The following GCFC2 variants were observed in gnomAD, a reference collection of about 807,000 sequenced individuals.
GCFC2 encodes the protein intron Large complex component GCFC2.
In GCFC2, 102 loss-of-function variants were observed where a neutral mutation model predicts 99.4. The observed-to-expected ratio is 1.03, with a 90% CI of 0.87 to 1.21. GCFC2 has a LOEUF of 1.21. Among genes scored for constraint, GCFC2 ranks in the 50% most tolerant of loss-of-function variants. The probability of loss-of-function intolerance (pLI) is 0.00; values close to 1 mark genes in which losing one functional copy is unlikely to be tolerated. For synonymous variants in GCFC2, 338 were observed against 316.8 expected (o/e 1.07, Z -0.71); for missense variants, 973 against 920.9 (o/e 1.06, Z -0.73).
At position 75,680,088 on chromosome 2, in the gene GCFC2, A is replaced by G. The variant is rs559812766; in HGVS notation, c.1812+105T>C. On this transcript the variant is annotated intron_variant, in intron 12 of 16. Coordinates refer to ENST00000321027, the MANE Select transcript of GCFC2 (RefSeq NM_003203.5). ...AAAGTAAATATGTTTTCCCCCAAAC[A>G]GTTTTCTGATAATCACTTCTGCATC... The G allele has an allele frequency of 9.6e-6, 7 of 727,280 alleles. No homozygotes were observed. In the East Asian group the frequency reaches 1.1e-4, roughly 11 times the overall value. 45.1% of individuals were successfully genotyped at this position (727,280 alleles called of 1,614,324 possible). A position where few individuals can be genotyped will look rare whatever the true frequency, so the allele number is the denominator to read the frequency against.
intron 16 of GCFC2, among the ~76,000 whole-genome samples, chr2:75,665,102 G>A (rs1441424835): frequency 6.6e-6 from 1 of 152,020 alleles, no homozygotes; most frequent in African/African-American, 2.4e-5. Flanking sequence ...TGGAAGCAAT[G>A]GTGGGAGTAT....
At chr2:75,678,290 C>G (rs935247416) in intron 12 of GCFC2, among the ~76,000 whole-genome samples, 10 of 152,138 alleles carry the variant, frequency 6.6e-5, no homozygotes, top group African/African-American at 2.4e-4. Flanking sequence ...CTTTTAACTA[C>G]TAATCTTGGT....
chr2:75,696,066 TA>T (rs1217515223), intron 5 of GCFC2, 133 bp downstream of exon 5: 2 of 491,018 alleles, frequency 4.1e-6, no homozygotes, highest in African/African-American at 3.9e-5. Context: ...GTTAGTATGA[TA>T]ACACAGGAGA....
upstream of GCFC2, among the ~76,000 whole-genome samples, chr2:75,711,770 C>T (rs1681195956): frequency 1.3e-5 from 2 of 152,250 alleles, no homozygotes; most frequent in Admixed American, 6.5e-5. Context: ...GGCCCACCGG[C>T]GCTGTGCTCG....
chr2:75,691,947 T>C (rs372396743), intron 7 of GCFC2, 30 bp downstream of exon 7: 13 of 1,259,248 alleles, frequency 1.0e-5, no homozygotes, highest in African/African-American at 1.5e-5. Flanking sequence ...TAATGAATAA[T>C]AAATTGTATG....
intron 5 of GCFC2, among the ~76,000 whole-genome samples, chr2:75,695,861 G>C (rs1369525752): frequency 2.6e-5 from 4 of 152,180 alleles, no homozygotes; most frequent in Non-Finnish European, 5.9e-5. Flanking sequence ...ATCCTGGGCA[G>C]GATGAAGCAG....
intron 11 of GCFC2, among the ~76,000 whole-genome samples, chr2:75,683,771 C>CAAAAAAAAAAAAAA (rs749580096): frequency 1.3e-4 from 8 of 60,420 alleles, no homozygotes; most frequent in African/African-American, 1.9e-4. Flanking sequence ...AAATGGAAAG[C>CAAAAAAAAAAAAAA]AAAAAAAAAA....
chr2:75,669,978 G>C (rs1679017661), intron 15 of GCFC2, 160 bp downstream of exon 15: 1 of 475,054 alleles, frequency 2.1e-6, no homozygotes, highest in Non-Finnish European at 3.8e-6. Flanking sequence ...GCCTGCCTCA[G>C]CCTCCCAAAG....
At position 75,673,114 on chromosome 2, in the gene GCFC2, T is replaced by G. The variant is rs563070201; in HGVS notation, c.1889+330A>C. ...TCACAAGGTCAGGAGATCGAGACCA[T>G]CCTGGCTAACATGGTGAAACCCCAT... On this transcript the variant is annotated intron_variant, in intron 13 of 16. Transcript: ENST00000321027. 5.3e-5 allele frequency among the ~76,000 whole-genome samples: 8 copies of G among 152,144 alleles called. No homozygotes were observed. In the East Asian group the frequency reaches 9.7e-4, roughly 18 times the overall value.
chr2:75,687,534 C>T (rs1349166735), intron 11 of GCFC2, among the ~76,000 whole-genome samples: 1 of 152,118 alleles, frequency 6.6e-6, no homozygotes, highest in East Asian at 1.9e-4. Context: ...TTTTGGTAGC[C>T]AAGTAAAGAC....
chr2:75,670,260 T>G lies in GCFC2; in HGVS notation c.1981A>C (p.Asn661His). 2 of 1,606,628 alleles carry G rather than the reference T, an allele frequency of 1.2e-6. No homozygotes were observed. Among genetic ancestry groups the G allele is most frequent in the Admixed American group, 3.3e-5 (2 of 59,940 alleles). Reference sequence around the variant, plus strand: ...AAGGTGTCATCTGTAAGGAGTCCATTCCAAAGAAGAATATTGCGGAAGAGC... The same window carrying G: ...AAGGTGTCATCTGTAAGGAGTCCATGCCAAAGAAGAATATTGCGGAAGAGC... ...LKLFRNILLWNGLLTDDTLQE... is the reference protein window; with the variant it reads ...LKLFRNILLWHGLLTDDTLQE... The change falls in exon 15 of 17, where the codon AAT becomes CAT. Residue 661 changes from asparagine (N) to histidine (H), a missense_variant. Asn to His is a moderately conservative substitution (Grantham distance 68, BLOSUM62 1). Coordinates refer to ENST00000321027, the MANE Select transcript of GCFC2 (RefSeq NM_003203.5).
intron 4 of GCFC2, chr2:75,698,068 A>G (rs1459644219): frequency 6.6e-6 from 1 of 152,260 alleles, no homozygotes; most frequent in Non-Finnish European, 1.5e-5. Context: ...TAGATTTTCA[A>G]TAAAGGAATC....
chr2:75,690,232 T>C, intron 8 of GCFC2, 151 bp from the exon 9 acceptor site: 3 of 590,090 alleles, frequency 5.1e-6, no homozygotes, highest in Admixed American at 6.8e-5. Flanking sequence ...CAGCGCACAA[T>C]TTTATTAATA....
chr2:75,701,327 T>C, intron 3 of GCFC2, 40 bp from the exon 4 acceptor site: 2 of 1,239,464 alleles, frequency 1.6e-6, no homozygotes, highest in Non-Finnish European at 2.4e-6. Context: ...TTTAGTATTT[T>C]TCCATTTTAA....
chr2:75,681,952 T>C (rs1167214116), intron 11 of GCFC2, among the ~76,000 whole-genome samples: 2 of 151,828 alleles, frequency 1.3e-5, no homozygotes, highest in African/African-American at 4.9e-5. Flanking sequence ...AGTCAGGGAC[T>C]TAGAGATAAA....
At chr2:75,712,218 A>G (rs920556750), upstream of GCFC2, among the ~76,000 whole-genome samples, 1 of 115,920 alleles carries the variant, frequency 8.6e-6, no homozygotes, top group Non-Finnish European at 2.2e-5. Flanking sequence ...GGGGCCTTGG[A>G]GAACCTTTAT....
Position 75,674,690 on chromosome 2 carries a change from A to C in GCFC2, c.1813-1170T>G, listed in dbSNP as rs571801138. 3.1e-4 allele frequency among the ~76,000 whole-genome samples: 47 copies of C among 152,284 alleles called. 2 individuals carry two copies. In the South Asian group the frequency reaches 9.3e-3, roughly 30 times the overall value. ...AGAGTAAAAGTTAATTTTTAAGTCA[A>C]TGACAATGTATACAGCACAAATTCA... is the stretch of plus-strand genomic sequence containing the variant. On this transcript the variant is annotated intron_variant, in intron 12 of 16. Transcript: ENST00000321027.
intron 1 of GCFC2, chr2:75,710,365 T>C: frequency 1.9e-6 from 2 of 1,040,016 alleles, no homozygotes; most frequent in Non-Finnish European, 2.6e-6. Context: ...CTGTACACGA[T>C]TGTTTTATTT....
intron 4 of GCFC2, chr2:75,697,901 T>C (rs1311964605): frequency 2.6e-5 from 4 of 152,274 alleles, no homozygotes; most frequent in African/African-American, 9.6e-5. Context: ...TGGATTCTCC[T>C]ACAGAGTTTC....
Sources: gnomAD v4.1 joint callset for allele counts (sites outside exome capture counted in the v4.1 genomes callset) on GRCh38, gnomAD v4.1.1 for gene constraint, MANE v1.5 for transcripts, NCBI Gene and HGNC (gene_info 2026-07-23, HGNC 2026-07-21) for gene names.